Variants in TRIM49 observed in about 807,000 individuals in gnomAD.
TRIM49 encodes the protein tripartite motif-containing protein 49.
A neutral mutation model predicts 27.4 loss-of-function variants in TRIM49; 5 were observed. The observed-to-expected ratio is 0.18, with a 90% CI of 0.10 to 0.38. The LOEUF is 0.38. TRIM49 is among the 10% of genes least tolerant of loss of function. The pLI is 1.00. For synonymous variants in TRIM49, 69 were observed against 166.0 expected (o/e 0.42, Z 4.49); for missense variants, 188 against 487.5 (o/e 0.39, Z 5.79).
the TRIM49 span, among the ~76,000 whole-genome samples, chr11:89,790,563 C>A: frequency 3.3e-5 from 5 of 152,006 alleles, no homozygotes; most frequent in African/African-American, 9.7e-5. Context: ...TCTAGAGGAA[C>A]GATCAGGCAG....
rs1949771686 is a variant in TRIM49 at position 89,804,459 on chromosome 11, C to A, written c.11G>T (p.Gly4Val). ...TTCCCCCTGAAAGACCTGTAAGATTCCAGAATTCATGTTTCTGAGGAACAA... is the reference window on the plus strand; with the variant it reads ...TTCCCCCTGAAAGACCTGTAAGATTACAGAATTCATGTTTCTGAGGAACAA... MNS[G>V]ILQVFQGELI... The change falls in exon 3 of 8, where the codon GGA (glycine) becomes GTA (valine). Residue 4 changes from glycine to valine, a missense_variant. Gly to Val is a moderately radical substitution (Grantham distance 109). Coordinates refer to ENST00000329758, the MANE Select transcript of TRIM49 (RefSeq NM_020358.2). 2 of 1,592,602 alleles carry A rather than the reference C, an allele frequency of 1.3e-6. No homozygotes were observed. The highest frequency in any genetic ancestry group is 1.1e-5 in the South Asian group (1 of 89,260).
chr11:89,787,569 C>G, the TRIM49 span: 2 of 817,790 alleles, frequency 2.4e-6, no homozygotes, highest in Non-Finnish European at 3.6e-6. Context: ...CCGCGGAAGG[C>G]CAGCCTCCTG....
chr11:89,769,837 G>A, the TRIM49 span, among the ~76,000 whole-genome samples: 42 of 93,994 alleles, frequency 4.5e-4, no homozygotes, highest in African/African-American at 2.6e-3. Context: ...AACTCAGCAG[G>A]AAGAGTGTCT....
At chr11:89,768,214 C>T in the TRIM49 span, 46 of 1,425,160 alleles carry the variant, frequency 3.2e-5, 3 homozygotes, top group African/African-American at 3.9e-5. Context: ...GCCTGTCCAC[C>T]GGTCCTGTGA....
chr11:89,795,723 A>AT (rs1949682767), downstream of TRIM49, among the ~76,000 whole-genome samples: 1 of 120,162 alleles, frequency 8.3e-6, no homozygotes, highest in African/African-American at 3.1e-5. Context: ...AACATCACAC[A>AT]TAGGGGCCTG....
chr11:89,768,326 T>C, the TRIM49 span: 180 of 1,370,832 alleles, frequency 1.3e-4, 22 homozygotes, highest in East Asian at 2.1e-3. Flanking sequence ...TTTCTGATGT[T>C]TGTGTTTAAG....
intron 2 of TRIM49, among the ~76,000 whole-genome samples, chr11:89,804,896 A>T (rs1365342796): frequency 6.6e-5 from 10 of 151,156 alleles, no homozygotes; most frequent in Admixed American, 5.9e-4. Context: ...ATGGCCAAAG[A>T]AATATGAGAA....
downstream of TRIM49, among the ~76,000 whole-genome samples, chr11:89,796,493 C>A (rs1480790045): frequency 4.4e-5 from 6 of 136,974 alleles, 2 homozygotes; most frequent in African/African-American, 1.3e-4. Context: ...ACCTTGGTCT[C>A]CCCAAGTGGT....
At chr11:89,797,473 G>A (rs1412517711), downstream of TRIM49, among the ~76,000 whole-genome samples, 1 of 145,050 alleles carries the variant, frequency 6.9e-6, no homozygotes, top group East Asian at 2.1e-4. Context: ...ATCTGGAAAT[G>A]ACTGTGTGTG....
chr11:89,790,165 C>G, the TRIM49 span, among the ~76,000 whole-genome samples: 5 of 129,096 alleles, frequency 3.9e-5, no homozygotes, highest in African/African-American at 9.0e-5. Flanking sequence ...ATTGCTAGCA[C>G]AGCAGTCTGA....
At chr11:89,773,024 C>G in the TRIM49 span, among the ~76,000 whole-genome samples, 1 of 136,030 alleles carries the variant, frequency 7.4e-6, no homozygotes, top group Non-Finnish European at 1.5e-5. Context: ...AACCTTATCT[C>G]TACTAAAAAT....
intron 2 of TRIM49, among the ~76,000 whole-genome samples, chr11:89,806,571 A>C (rs972874879): frequency 2.7e-5 from 4 of 150,546 alleles, no homozygotes; most frequent in Admixed American, 2.6e-4. Context: ...ACAATCACAT[A>C]CCATATTAGG....
the TRIM49 span, among the ~76,000 whole-genome samples, chr11:89,772,673 G>T: frequency 4.4e-5 from 6 of 134,916 alleles, no homozygotes; most frequent in African/African-American, 1.8e-4. Flanking sequence ...TGGAACCCTT[G>T]TGCTATTGTT....
chr11:89,790,968 T>G, the TRIM49 span, among the ~76,000 whole-genome samples: 71 of 151,942 alleles, frequency 4.7e-4, no homozygotes, highest in African/African-American at 1.5e-3. Flanking sequence ...AGGAGGAAGT[T>G]CGAATCCATT....
chr11:89,802,924 A>G (rs1265755251), intron 4 of TRIM49, among the ~76,000 whole-genome samples: 14 of 149,870 alleles, frequency 9.3e-5, no homozygotes, highest in Admixed American at 6.6e-4. Flanking sequence ...TGTGAGGACA[A>G]AGGTGCTTCC....
chr11:89,785,681 C>A, the TRIM49 span, among the ~76,000 whole-genome samples: 2 of 144,800 alleles, frequency 1.4e-5, no homozygotes, highest in African/African-American at 2.7e-5. Context: ...AGAATAAAAG[C>A]ATTAAAATAA....
At chr11:89,805,477 G>T (rs1388003369) in intron 2 of TRIM49, among the ~76,000 whole-genome samples, 2 of 151,596 alleles carry the variant, frequency 1.3e-5, no homozygotes, top group East Asian at 1.9e-4. Context: ...AAAGAAAAAG[G>T]CAGAAAAAAG....
chr11:89,805,713 G>T (rs1565447799), intron 2 of TRIM49, among the ~76,000 whole-genome samples: 1 of 130,038 alleles, frequency 7.7e-6, no homozygotes, highest in Non-Finnish European at 1.5e-5. Flanking sequence ...GGTGTTTTTA[G>T]TTTTTTTTTG....
At chr11:89,783,020 G>C in the TRIM49 span, among the ~76,000 whole-genome samples, 1 of 137,312 alleles carries the variant, frequency 7.3e-6, no homozygotes, top group African/African-American at 2.8e-5. Context: ...TTCTTTCTAA[G>C]TCTGACCAAG....
Sources: gnomAD v4.1 joint callset for allele counts (sites outside exome capture counted in the v4.1 genomes callset) on GRCh38, gnomAD v4.1.1 for gene constraint, MANE v1.5 for transcripts, NCBI Gene and HGNC (gene_info 2026-07-23, HGNC 2026-07-21) for gene names.